Variants in MAP3K5 observed in about 807,000 individuals in gnomAD.
MAP3K5 encodes the protein ASK-1.
MAP3K5 carries 56 observed loss-of-function variants against 158.7 expected under a neutral mutation model. That is an observed-to-expected ratio of 0.35 (90% CI 0.28 to 0.44). The LOEUF (loss-of-function observed/expected upper bound fraction) is 0.44. MAP3K5 is among the 20% of genes least tolerant of loss of function. The pLI, the probability that MAP3K5 is intolerant of heterozygous loss-of-function variation, is 1.00. For missense variants in MAP3K5, 1,294 were observed against 1,674.8 expected (o/e 0.77, Z 3.97); for synonymous variants, 579 against 601.7 (o/e 0.96, Z 0.55).
intron 13 of MAP3K5, among the ~76,000 whole-genome samples, chr6:136,638,003 T>C (rs1222837309): frequency 6.6e-6 from 1 of 152,174 alleles, no homozygotes; most frequent in Non-Finnish European, 1.5e-5. Flanking sequence ...AGCATGATGA[T>C]GAACAAAGTC....
chr6:136,783,445 C>T (rs766115893), intron 1 of MAP3K5, among the ~76,000 whole-genome samples: 20 of 152,204 alleles, frequency 1.3e-4, no homozygotes, highest in East Asian at 7.7e-4. Flanking sequence ...CATATCTAGC[C>T]AGTTTCCCCA....
Position 136,656,475 on chromosome 6 carries a change from A to C in MAP3K5, c.1527-15T>G. The C allele has an allele frequency of 6.6e-7, 1 of 1,525,518 alleles. No individual in the cohort carries two copies. The highest frequency in any genetic ancestry group is 8.8e-7 in the Non-Finnish European group (1 of 1,130,696). 94.5% of individuals were successfully genotyped at this position (1,525,518 alleles called of 1,614,324 possible). ...ACTTGAGGTACCTGAGAAGGAAAAG[A>C]TATAAAACATGTAACAGACAAATTT... is the stretch of plus-strand genomic sequence containing the variant. On this transcript the variant is annotated splice_polypyrimidine_tract_variant and intron_variant, in intron 9 of 29. Coordinates refer to ENST00000359015, the MANE Select transcript of MAP3K5 (RefSeq NM_005923.4).
At chr6:136,668,262 C>T (rs1359684762) in intron 8 of MAP3K5, among the ~76,000 whole-genome samples, 1 of 151,920 alleles carries the variant, frequency 6.6e-6, no homozygotes, top group Non-Finnish European at 1.5e-5. Context: ...TGCACGCCTA[C>T]AGTCCCAGCT....
chr6:136,668,400 T>TTA (rs201136813), intron 8 of MAP3K5, among the ~76,000 whole-genome samples: 6,680 of 152,200 alleles, frequency 0.044, 482 homozygotes, highest in African/African-American at 0.15. Context: ...AATTTTTCTT[T>TTA]TATTTTGAAG....
chr6:136,697,535 T>C, intron 4 of MAP3K5, 148 bp from the exon 5 acceptor site: 5 of 538,350 alleles, frequency 9.3e-6, no homozygotes, highest in Non-Finnish European at 1.6e-5. Context: ...TAAATAAATA[T>C]CTTACATATC....
Position 136,694,255 on chromosome 6 carries a change from G to C in MAP3K5, c.1138C>G (p.Gln380Glu). 6.2e-7 allele frequency: 1 copy of C among 1,613,398 alleles called. No homozygotes were observed. The highest frequency in any genetic ancestry group is 8.5e-7 in the Non-Finnish European group (1 of 1,179,894). ...KALDIMIPMV[Q>E]SEGQVASDMY... ...TCTGAAGCAACTTGTCCTTCGCTTTGCACCATGGGAATCATAATATCAAGA... is the reference window on the plus strand; with the variant it reads ...TCTGAAGCAACTTGTCCTTCGCTTTCCACCATGGGAATCATAATATCAAGA... Residue 380 changes from glutamine (Q) to glutamate (E), a missense_variant, in exon 7 of 30, where the codon CAA becomes GAA. Physicochemically the swap from Gln to Glu is conservative, Grantham distance 29. Around this residue, in one of 5 missense-constraint regions of MAP3K5, gnomAD observed 690 missense variants for 870.5 expected, o/e 0.79. Transcript: ENST00000359015.
At position 136,734,210 on chromosome 6, in the gene MAP3K5, G is replaced by A. The variant is rs576292401; in HGVS notation, c.449-13621C>T. Among the ~76,000 whole-genome samples, 5 of 152,100 alleles carry A rather than the reference G, an allele frequency of 3.3e-5. No homozygotes were observed. The South Asian group carries it at 1.0e-3, about 32-fold the overall frequency. ...GAGGCAGGTGGATTACCTGAGGTCA[G>A]GAGTTCGAGACCAGCCTGGCCAAAA... On this transcript the variant is annotated intron_variant, in intron 1 of 29. Transcript: ENST00000359015.
chr6:136,757,934 T>C (rs1382909792), intron 1 of MAP3K5, among the ~76,000 whole-genome samples: 2 of 152,190 alleles, frequency 1.3e-5, no homozygotes, highest in Admixed American at 6.6e-5. Flanking sequence ...TATCTGAATA[T>C]ATTTTAGGGA....
At chr6:136,738,459 G>GAGACAAACAAACAAACAGA (rs1782568428) in intron 1 of MAP3K5, among the ~76,000 whole-genome samples, 1 of 152,076 alleles carries the variant, frequency 6.6e-6, no homozygotes, top group Admixed American at 6.6e-5. Flanking sequence ...GCTAAAATGA[G>GAGACAAACAAACAAACAGA]AGACAAACAA....
chr6:136,642,088 A>C (rs1442629938), intron 12 of MAP3K5, among the ~76,000 whole-genome samples: 1 of 145,136 alleles, frequency 6.9e-6, no homozygotes, highest in African/African-American at 2.5e-5. Flanking sequence ...AATAAAATAA[A>C]ATAAAATTAG....
intron 1 of MAP3K5, among the ~76,000 whole-genome samples, chr6:136,784,495 A>G (rs929454309): frequency 3.3e-5 from 5 of 152,210 alleles, no homozygotes; most frequent in Non-Finnish European, 7.3e-5. Flanking sequence ...AACAGCTCAG[A>G]GAAAAACCAT....
chr6:136,623,314 C>T (rs920570395), intron 14 of MAP3K5, among the ~76,000 whole-genome samples: 1 of 152,192 alleles, frequency 6.6e-6, no homozygotes. Flanking sequence ...TAACTAGCAT[C>T]AACATCTATC....
At chr6:136,638,827 A>G (rs1777776191) in intron 13 of MAP3K5, among the ~76,000 whole-genome samples, 1 of 152,262 alleles carries the variant, frequency 6.6e-6, no homozygotes, top group Non-Finnish European at 1.5e-5. Context: ...TTATTTAAAT[A>G]AGAACAATCC....
chr6:136,724,980 A>G (rs1781905505), intron 1 of MAP3K5, among the ~76,000 whole-genome samples: 1 of 152,124 alleles, frequency 6.6e-6, no homozygotes, highest in Non-Finnish European at 1.5e-5. Flanking sequence ...TGATTTATTT[A>G]CTGTCCCTAA....
intron 7 of MAP3K5, among the ~76,000 whole-genome samples, chr6:136,681,780 G>A (rs915844628): frequency 1.3e-5 from 2 of 152,172 alleles, no homozygotes; most frequent in Non-Finnish European, 2.9e-5. Context: ...TTAGCCGGGT[G>A]TGGTGGCGGG....
intron 21 of MAP3K5, among the ~76,000 whole-genome samples, chr6:136,595,631 A>G (rs755976690): frequency 1.3e-4 from 20 of 152,226 alleles, no homozygotes; most frequent in Non-Finnish European, 2.9e-4. Context: ...TCGTACTTAT[A>G]TTCTAAGATG....
At chr6:136,660,730 G>C (rs1778971583) in intron 8 of MAP3K5, among the ~76,000 whole-genome samples, 1 of 152,168 alleles carries the variant, frequency 6.6e-6, no homozygotes, top group African/African-American at 2.4e-5. Flanking sequence ...AAAAAGGTAG[G>C]ATATATCATT....
intron 2 of MAP3K5, among the ~76,000 whole-genome samples, chr6:136,705,624 C>A (rs959505599): frequency 1.3e-5 from 2 of 152,012 alleles, no homozygotes; most frequent in Admixed American, 6.6e-5. Context: ...TTACAATCTG[C>A]GGAGGAGACA....
At chr6:136,558,932 C>A (rs1000612622) in intron 28 of MAP3K5, 56 bp from the exon 29 acceptor site, 1 of 865,344 alleles carries the variant, frequency 1.2e-6, no homozygotes, top group Non-Finnish European at 1.9e-6. Flanking sequence ...TAATAAAGCA[C>A]AAACTCTATT....
Sources: allele counts gnomAD v4.1 joint callset (sites outside exome capture counted in the v4.1 genomes callset), GRCh38; gene constraint gnomAD v4.1.1; regional missense constraint gnomAD v4.1.1; transcripts MANE v1.5; gene names NCBI Gene and HGNC (gene_info 2026-07-23, HGNC 2026-07-21).